CIMIP2A: variants seen among roughly 807,000 people sequenced by gnomAD.
CIMIP2A encodes ciliary microtubule inner protein 2A.
At chr9:137,253,022 G>A in the CIMIP2A span, 1 of 1,490,474 alleles carries the variant, frequency 6.7e-7, no homozygotes, top group Non-Finnish European at 9.1e-7. Flanking sequence ...GCAATGTGAG[G>A]ACAAGGGTTC....
chr9:137,244,164 T>A, the CIMIP2A span: 8 of 1,613,518 alleles, frequency 5.0e-6, no homozygotes, highest in Admixed American at 5.0e-5. Flanking sequence ...CTGCCCACTC[T>A]ACTCACCGGG....
At chr9:137,245,618 G>A in the CIMIP2A span, 1 of 1,611,392 alleles carries the variant, frequency 6.2e-7, no homozygotes, top group Non-Finnish European at 8.5e-7. Context: ...GAGGGTGCAG[G>A]GCTGGGGACT....
At chr9:137,245,742 C>A in the CIMIP2A span, 5 of 1,595,118 alleles carry the variant, frequency 3.1e-6, no homozygotes, top group East Asian at 1.1e-4. Context: ...ACATGGGGGA[C>A]AGCACAGAGC....
chr9:137,243,705 G>GT, the CIMIP2A span: 1 of 1,614,156 alleles, frequency 6.2e-7, no homozygotes, highest in South Asian at 1.1e-5. Flanking sequence ...CATTTTCATA[G>GT]TGTGTGGTTT....
the CIMIP2A span, chr9:137,252,919 C>A: frequency 5.0e-6 from 8 of 1,600,166 alleles, no homozygotes; most frequent in Non-Finnish European, 6.8e-6. Context: ...GCTCGCCGGC[C>A]TTCTCGATGA....
At chr9:137,253,234 T>G in the CIMIP2A span, 1 of 1,607,696 alleles carries the variant, frequency 6.2e-7, no homozygotes, top group African/African-American at 1.3e-5. Context: ...AGGCCCCTTC[T>G]GCACGCTCTA....
At chr9:137,254,116 C>A in the CIMIP2A span, among the ~76,000 whole-genome samples, 1 of 152,234 alleles carries the variant, frequency 6.6e-6, no homozygotes. Context: ...CCGCACCTCC[C>A]CAGGTCCTCC....
At chr9:137,245,783 G>A in the CIMIP2A span, 7 of 1,542,562 alleles carry the variant, frequency 4.5e-6, no homozygotes, top group Non-Finnish European at 6.1e-6. Flanking sequence ...GGGTCTGTGA[G>A]CAGCTGCCCC....
At chr9:137,244,401 A>G in the CIMIP2A span, 6 of 1,573,294 alleles carry the variant, frequency 3.8e-6, no homozygotes, top group East Asian at 1.1e-4. Context: ...AAAGCTGCTA[A>G]TGCTCCCAGC....
the CIMIP2A span, chr9:137,244,805 C>G: frequency 6.3e-7 from 1 of 1,585,080 alleles, no homozygotes; most frequent in Admixed American, 1.8e-5. Flanking sequence ...CCCACCTGCC[C>G]TCAGACGTGT....
chr9:137,253,472 T>C, the CIMIP2A span: 13 of 1,432,696 alleles, frequency 9.1e-6, no homozygotes, highest in East Asian at 3.3e-4. Context: ...GAGATGCTGT[T>C]GGTTTTCCCG....
At chr9:137,252,496 C>T in the CIMIP2A span, 2 of 1,600,380 alleles carry the variant, frequency 1.2e-6, no homozygotes, top group Non-Finnish European at 1.7e-6. Flanking sequence ...CCCCTTCACG[C>T]AGAAAGCTGA....
At chr9:137,245,336 G>A in the CIMIP2A span, 4 of 1,600,326 alleles carry the variant, frequency 2.5e-6, no homozygotes, top group Non-Finnish European at 3.4e-6. Flanking sequence ...TCGCAAACAG[G>A]AGTGGCGCTC....
the CIMIP2A span, chr9:137,244,242 C>T: frequency 1.9e-6 from 3 of 1,613,730 alleles, no homozygotes; most frequent in Non-Finnish European, 2.5e-6. Flanking sequence ...CCAGTGTGTT[C>T]CAGGCAGCTT....
chr9:137,247,065 C>T, the CIMIP2A span, among the ~76,000 whole-genome samples: 3 of 152,032 alleles, frequency 2.0e-5, no homozygotes, highest in South Asian at 6.2e-4. Context: ...GTGGGCAGAT[C>T]ACTTGAGGTC....
the CIMIP2A span, among the ~76,000 whole-genome samples, chr9:137,249,455 C>G: frequency 6.6e-6 from 1 of 152,216 alleles, no homozygotes; most frequent in Non-Finnish European, 1.5e-5. Flanking sequence ...TTCCCATATT[C>G]CCATAGCCCT....
At chr9:137,251,875 C>A in the CIMIP2A span, 1 of 1,608,718 alleles carries the variant, frequency 6.2e-7, no homozygotes, top group South Asian at 1.1e-5. Flanking sequence ...CCCACCTACA[C>A]CCAGACCCTG....
At chr9:137,252,467 T>C in the CIMIP2A span, 4 of 1,610,406 alleles carry the variant, frequency 2.5e-6, no homozygotes, top group Non-Finnish European at 3.4e-6. Flanking sequence ...TGGCAGACTT[T>C]GTGGTTCCAG....
chr9:137,244,893 G>A, the CIMIP2A span: 1 of 1,576,932 alleles, frequency 6.3e-7, no homozygotes. Flanking sequence ...GAACAGGCAG[G>A]CAAGGCACCG....
Sources: allele counts gnomAD v4.1 joint callset (sites outside exome capture counted in the v4.1 genomes callset), GRCh38; gene constraint gnomAD v4.1.1; transcripts MANE v1.5; gene names NCBI Gene and HGNC (gene_info 2026-07-23, HGNC 2026-07-21).